The following ST3GAL1 variants were observed in gnomAD, a reference collection of about 807,000 sequenced individuals.
ST3GAL1 encodes ST3 beta-galactoside alpha-2,3-sialyltransferase 1.
In ST3GAL1, 16 loss-of-function variants were observed where a neutral mutation model predicts 34.1. That is an observed-to-expected ratio of 0.47 (90% CI 0.32 to 0.71). ST3GAL1 has a LOEUF of 0.71. Among genes scored for constraint, ST3GAL1 ranks in the 30% least tolerant of loss-of-function variants. The pLI, the probability that ST3GAL1 is intolerant of heterozygous loss-of-function variation, is 0.04. For missense variants in ST3GAL1, 353 were observed against 447.4 expected (o/e 0.79, Z 1.90); for synonymous variants, 191 against 184.7 (o/e 1.03, Z -0.28).
chr8:133,537,507 G>A (rs985810814), intron 2 of ST3GAL1, among the ~76,000 whole-genome samples: 2 of 152,172 alleles, frequency 1.3e-5, no homozygotes, highest in Admixed American at 6.5e-5. Flanking sequence ...ATCACAAAAG[G>A]CTGTAACAAG....
In ST3GAL1 at chr8:133,475,948, A is replaced by C. The variant is rs756052198; in HGVS notation, c.77T>G (p.Leu26Arg). 6.2e-7 allele frequency: 1 copy of C among 1,613,966 alleles called. No homozygotes were observed. The highest frequency in any genetic ancestry group is 8.5e-7 in the Non-Finnish European group (1 of 1,179,986). Residue 26 changes from leucine to arginine, a missense_variant, in exon 5 of 10, where the codon CTG becomes CGG. Coordinates refer to ENST00000522652, the MANE Select transcript of ST3GAL1 (RefSeq NM_173344.3). Reference sequence around the variant, plus strand: ...GGCCACCATGGTGTGGGAGTAGTTCAGGAAGAAGGAGGTGAGGAAGATGAA... The same window carrying C: ...GGCCACCATGGTGTGGGAGTAGTTCCGGAAGAAGGAGGTGAGGAAGATGAA... ...VLFIFLTSFF[L>R]NYSHTMVATT... is the part of the protein sequence containing the mutation.
Position 133,556,212 on chromosome 8 carries a change from A to C in ST3GAL1, c.-581-10286T>G, listed in dbSNP as rs1488413416. Among the ~76,000 whole-genome samples the C allele has an allele frequency of 6.6e-6, 1 of 151,794 alleles. No homozygotes were observed. The highest frequency in any genetic ancestry group is 6.6e-5 in the Admixed American group (1 of 15,224). Reference sequence around the variant, plus strand: ...TGCCCAGCTTGTTTTTTCTTTTTGAATCTCCACTCTCACCCAGGAAGATGA... The same window carrying C: ...TGCCCAGCTTGTTTTTTCTTTTTGACTCTCCACTCTCACCCAGGAAGATGA... On this transcript the variant is annotated intron_variant, in intron 1 of 9. Transcript: ENST00000522652. The surrounding 1 kb of genome is among the most constrained non-coding windows in gnomAD (Gnocchi z 8.9).
intron 9 of ST3GAL1, among the ~76,000 whole-genome samples, chr8:133,460,657 T>C (rs889989003): frequency 6.6e-5 from 10 of 152,182 alleles, no homozygotes; most frequent in Non-Finnish European, 1.3e-4. Flanking sequence ...AGCTTATAGC[T>C]TCTTGGAGTC....
chr8:133,491,773 C>T lies in ST3GAL1; in HGVS notation c.-374+7362G>A, dbSNP rs568826045. 5.3e-4 allele frequency among the ~76,000 whole-genome samples: 80 copies of T among 152,234 alleles called. 1 individual carries two copies. The highest frequency in any genetic ancestry group is 1.8e-3 in the African/African-American group (76 of 41,536). On this transcript the variant is annotated intron_variant, in intron 3 of 9. Transcript: ENST00000522652. ...GAGCGTCAGGCGACAGCAGGCATTT[C>T]GCATGAACCATCCCATCCCTACACA...
intron 1 of ST3GAL1, among the ~76,000 whole-genome samples, chr8:133,557,531 G>T (rs34329393): frequency 0.052 from 7,980 of 152,220 alleles, 710 homozygotes; most frequent in East Asian, 0.42. Flanking sequence ...GCACCAGCCA[G>T]GCCCTGTCTG....
In ST3GAL1 at chr8:133,556,961, G is replaced by T. The variant is rs752280272; in HGVS notation, c.-581-11035C>A. On this transcript the variant is annotated intron_variant, in intron 1 of 9. Transcript: ENST00000522652. This position sits in a 1 kb window ranked among gnomAD's most constrained non-coding sequence, Gnocchi z 8.9. ...AGCCTTTTATGATGTGCATGCATGT[G>T]TTAGAAGGAAACATTGTGACATGGT... Among the ~76,000 whole-genome samples, 2 of 152,158 alleles carry T rather than the reference G, an allele frequency of 1.3e-5. No homozygotes were observed. The highest frequency in any genetic ancestry group is 2.4e-5 in the African/African-American group (1 of 41,430).
intron 2 of ST3GAL1, among the ~76,000 whole-genome samples, chr8:133,504,787 G>T (rs1188481562): frequency 1.3e-5 from 2 of 152,302 alleles, no homozygotes; most frequent in East Asian, 3.9e-4. Flanking sequence ...TCTGGAAAAT[G>T]GGAAGAAGAT....
At chr8:133,537,130 T>C (rs1217372392) in intron 2 of ST3GAL1, among the ~76,000 whole-genome samples, 3 of 152,120 alleles carry the variant, frequency 2.0e-5, no homozygotes, top group African/African-American at 7.2e-5. Context: ...ATGACCCCCT[T>C]TCTGGGCTCA....
At chr8:133,560,986 C>G (rs116074829) in intron 1 of ST3GAL1, among the ~76,000 whole-genome samples, 259 of 152,210 alleles carry the variant, frequency 1.7e-3, no homozygotes, top group African/African-American at 5.7e-3. Context: ...CAGCCCAGCC[C>G]AGGTGGAGGG....
At chr8:133,568,200 C>T (rs1819463639) in intron 1 of ST3GAL1, among the ~76,000 whole-genome samples, 1 of 152,182 alleles carries the variant, frequency 6.6e-6, no homozygotes, top group South Asian at 2.1e-4. Flanking sequence ...GGATTACAGG[C>T]CTGAGCCACT....
rs753546715 is a variant in ST3GAL1, at chr8:133,475,674, C to T, written c.306+45G>A. 13 of 1,512,112 alleles carry T rather than the reference C, an allele frequency of 8.6e-6. No homozygotes were observed. The East Asian group carries it at 1.2e-4, about 14-fold the overall frequency. The allele number at this position is 1,512,112 out of a possible 1,614,324, so 93.7% of individuals were successfully genotyped here. ...CAGCCCAGACCCCACTCTCAGTCCA[C>T]ACCCCAACTCTCAGCCCAGACCCCG... is the stretch of plus-strand genomic sequence containing the variant. On this transcript the variant is annotated intron_variant, in intron 5 of 9. Coordinates refer to ENST00000522652, the MANE Select transcript of ST3GAL1 (RefSeq NM_173344.3).
At chr8:133,498,150 C>G (rs16904934) in intron 3 of ST3GAL1, among the ~76,000 whole-genome samples, 4,439 of 152,320 alleles carry the variant, frequency 0.029, 103 homozygotes, top group African/African-American at 0.062. Flanking sequence ...TGGCGCTCGA[C>G]AGTGGACTGA....
At chr8:133,560,216 T>C (rs1370327491) in intron 1 of ST3GAL1, among the ~76,000 whole-genome samples, 5 of 151,124 alleles carry the variant, frequency 3.3e-5, no homozygotes, top group African/African-American at 1.2e-4. Context: ...GAAAACTCAC[T>C]ACGTACCCCA....
At chr8:133,482,941 A>C (rs1816452229) in intron 3 of ST3GAL1, among the ~76,000 whole-genome samples, 1 of 152,266 alleles carries the variant, frequency 6.6e-6, no homozygotes. Flanking sequence ...AAGGCATGAG[A>C]GACCTGCATG....
intron 2 of ST3GAL1, among the ~76,000 whole-genome samples, chr8:133,512,863 AAAC>A (rs1174969070): frequency 6.6e-6 from 1 of 152,238 alleles, no homozygotes; most frequent in East Asian, 1.9e-4. Context: ...AACATCTTTG[AAAC>A]AACATTAAAA....
At chr8:133,565,307 T>C (rs1819360750) in intron 1 of ST3GAL1, among the ~76,000 whole-genome samples, 1 of 151,906 alleles carries the variant, frequency 6.6e-6, no homozygotes, top group African/African-American at 2.4e-5. Context: ...TGCCACAGAG[T>C]TGCAGAGGGC....
intron 1 of ST3GAL1, among the ~76,000 whole-genome samples, chr8:133,566,562 C>T (rs983564089): frequency 4.6e-5 from 7 of 152,138 alleles, no homozygotes; most frequent in Middle Eastern, 3.2e-3. Context: ...CCCACATGCA[C>T]CTCAAACCTG....
chr8:133,475,784 T>G lies in ST3GAL1; in HGVS notation c.241A>C (p.Thr81Pro), dbSNP rs1586596342. The G allele has an allele frequency of 1.2e-6, 2 of 1,613,658 alleles. No homozygotes were observed. Among genetic ancestry groups the G allele is most frequent in the Admixed American group, 1.7e-5 (1 of 59,972 alleles). Residue 81 changes from threonine (T) to proline (P), a missense_variant, in exon 5 of 10, where the codon ACC becomes CCC. Thr to Pro is a conservative substitution (Grantham distance 38). Transcript: ENST00000522652. ...SAWFDERFNQ[T>P]MQPLLTAQNA... The stretch of plus-strand genomic sequence containing the variant: ...TGGGCGGTCAGCAGCGGCTGCATGG[T>G]CTGGTTGAACCTCTCATCGAACCAG...
Position 133,508,243 on chromosome 8 carries a change from G to A in ST3GAL1, c.-428-9054C>T, listed in dbSNP as rs1276876534. ...ACCTGGACTCCAGAGTCCAGAACAC[G>A]TTTCTTATGTGGAATTATCGGATTC... On this transcript the variant is annotated intron_variant, in intron 2 of 9. Transcript: ENST00000522652. This position sits in a 1 kb window ranked among gnomAD's most constrained non-coding sequence, Gnocchi z 4.1. Among the ~76,000 whole-genome samples, 2 of 152,188 alleles carry A rather than the reference G, an allele frequency of 1.3e-5. No individual in the cohort carries two copies. The highest frequency in any genetic ancestry group is 1.9e-4 in the East Asian group (1 of 5,200).
Sources: gnomAD v4.1 joint callset for allele counts (sites outside exome capture counted in the v4.1 genomes callset) on GRCh38, gnomAD v4.1.1 for gene constraint, Gnocchi (gnomAD v3.1) non-coding constraint, MANE v1.5 for transcripts, NCBI Gene and HGNC (gene_info 2026-07-23, HGNC 2026-07-21) for gene names.